VCAM1: variants seen among roughly 807,000 people sequenced by gnomAD.
VCAM1 encodes the protein vascular cell adhesion molecule 1, also known as vascular cell adhesion protein 1.
A neutral mutation model predicts 63.8 loss-of-function variants in VCAM1; 41 were observed. The observed-to-expected ratio is 0.64, with a 90% CI of 0.50 to 0.83. The LOEUF is 0.83. Ranked by LOEUF, VCAM1 falls within the 40% of genes least tolerant of loss-of-function variation. The probability of loss-of-function intolerance (pLI) is 0.00; values close to 1 mark genes in which losing one functional copy is unlikely to be tolerated. For missense variants in VCAM1, 798 were observed against 875.5 expected, an observed-to-expected ratio of 0.91 and a Z score of 1.12; for synonymous variants, 338 against 320.7, an observed-to-expected ratio of 1.05 and a Z score of -0.58.
chr1:100,738,260 G>A lies in VCAM1; in HGVS notation c.2197G>A (p.Glu733Lys). 1 of 1,613,436 alleles carries A rather than the reference G, an allele frequency of 6.2e-7. No individual in the cohort carries two copies. The highest frequency in any genetic ancestry group is 8.5e-7 in the Non-Finnish European group (1 of 1,179,624). The change falls in exon 9 of 9, where the codon GAA (glutamate) becomes AAA (lysine). Residue 733 changes from glutamate to lysine, a missense_variant. Coordinates refer to ENST00000294728, the MANE Select transcript of VCAM1 (RefSeq NM_001078.4). Reference sequence around the variant, plus strand: ...CATGAAGGGGTCATATAGTCTTGTAGAAGCACAGAAGTCAAAAGTGTAGCT... The same window carrying A: ...CATGAAGGGGTCATATAGTCTTGTAAAAGCACAGAAGTCAAAAGTGTAGCT... ...ANMKGSYSLV[E>K]AQKSKV
Position 100,724,692 on chromosome 1 carries a change from A to T in VCAM1, c.730A>T (p.Met244Leu). The stretch of plus-strand genomic sequence containing the variant: ...GCTGCAAGAAGGTGGCTCTGTGACC[A>T]TGACCTGTTCCAGCGAGGGTCTACC... ...TKLQEGGSVT[M>L]TCSSEGLPAP... Residue 244 changes from methionine (M) to leucine (L), a missense_variant, in exon 4 of 9, where the codon ATG (methionine) becomes TTG (leucine). Coordinates refer to ENST00000294728, the MANE Select transcript of VCAM1 (RefSeq NM_001078.4). 6.2e-7 allele frequency: 1 copy of T among 1,613,128 alleles called. No individual in the cohort carries two copies. The highest frequency in any genetic ancestry group is 1.7e-4 in the Middle Eastern group (1 of 6,056).
chr1:100,732,103 T>C (rs1660483011), intron 6 of VCAM1, among the ~76,000 whole-genome samples: 1 of 152,094 alleles, frequency 6.6e-6, no homozygotes, highest in African/African-American at 2.4e-5. Context: ...AGAAGGAGAT[T>C]CAAATAATTC....
Position 100,738,467 on chromosome 1 carries a change from G to A in VCAM1, c.*184G>A. 1 of 538,620 alleles carries A rather than the reference G, an allele frequency of 1.9e-6. No individual in the cohort carries two copies. The highest frequency in any genetic ancestry group is 3.7e-5 in the Admixed American group (1 of 27,396). 33.4% of individuals were successfully genotyped at this position (538,620 alleles called of 1,614,324 possible). On this transcript the variant is annotated 3_prime_UTR_variant, in exon 9 of 9. Transcript: ENST00000294728. ...GAAGTCAAAGTAAAACTTGCTGCCT[G>A]AAGAACAGTAACTGCCATCAAGATG...
intron 4 of VCAM1, among the ~76,000 whole-genome samples, chr1:100,728,280 CTT>C (rs747178116): frequency 5.5e-4 from 84 of 152,138 alleles, no homozygotes; most frequent in Non-Finnish European, 1.0e-3. Flanking sequence ...TTGGAGGTGA[CTT>C]ATGTATCATT....
At chr1:100,737,895 A>C (rs1660713944) in intron 8 of VCAM1, 1 of 339,968 alleles carries the variant, frequency 2.9e-6, no homozygotes. Flanking sequence ...AGTTTGTGGA[A>C]GCCAACAACT....
At position 100,731,517 on chromosome 1, in the gene VCAM1, T is replaced by C. The variant is rs937228921; in HGVS notation, c.1524T>C (p.Asn508=). The C allele has an allele frequency of 6.2e-7, 1 of 1,611,736 alleles. No individual in the cohort carries two copies. The highest frequency in any genetic ancestry group is 1.3e-5 in the African/African-American group (1 of 74,908). Reference sequence around the variant, plus strand: ...AGAGTACGCAAACACTTTATGTCAATGGTAAGTACATATGTGAGGTATCTA... The same window carrying C: ...AGAGTACGCAAACACTTTATGTCAACGGTAAGTACATATGTGAGGTATCTA... ...QRQSTQTLYV[N]VAPRDTTVLV... The change falls in exon 6 of 9, where the codon AAT becomes AAC. Residue 508 remains asparagine (N), a splice_region_variant and synonymous_variant. Coordinates refer to ENST00000294728, the MANE Select transcript of VCAM1 (RefSeq NM_001078.4). The surrounding 1 kb of genome is among the most constrained non-coding windows in gnomAD (Gnocchi z 4.2).
chr1:100,734,573 T>C lies in VCAM1; in HGVS notation c.1864T>C (p.Ser622Pro). 1.2e-6 allele frequency: 2 copies of C among 1,613,872 alleles called. No individual in the cohort carries two copies. Among genetic ancestry groups the C allele is most frequent in the Non-Finnish European group, 1.7e-6 (2 of 1,179,884 alleles). ...SVKEGDTVII[S>P]CTCGNVPETW... ...CAAAGAAGGAGACACTGTCATCATC[T>C]CTTGTACATGTGGAAATGTTCCAGA... Residue 622 changes from serine (S) to proline (P), a missense_variant, in exon 8 of 9, where the codon TCT becomes CCT. Ser to Pro is a moderately conservative substitution (Grantham distance 74). Coordinates refer to ENST00000294728, the MANE Select transcript of VCAM1 (RefSeq NM_001078.4).
chr1:100,738,870 G>T lies in VCAM1; in HGVS notation c.*587G>T, dbSNP rs1310030317. The T allele has an allele frequency of 6.6e-6, 1 of 152,248 alleles. No individual in the cohort carries two copies. Among genetic ancestry groups the T allele is most frequent in the Non-Finnish European group, 1.5e-5 (1 of 68,088 alleles). 9.4% of individuals were successfully genotyped at this position (152,248 alleles called of 1,614,324 possible). A position where few individuals can be genotyped will look rare whatever the true frequency, so the allele number is the denominator to read the frequency against. The stretch of plus-strand genomic sequence containing the variant: ...AAATACCTCAACCTATGGTATAATG[G>T]TTGACTGGGTTTCTCTGTATAGTAC... On this transcript the variant is annotated 3_prime_UTR_variant, in exon 9 of 9. Transcript: ENST00000294728.
At position 100,729,135 on chromosome 1, in the gene VCAM1, T is replaced by A. The variant is rs1201815592; in HGVS notation, c.957T>A (p.Pro319=). 1 of 1,605,116 alleles carries A rather than the reference T, an allele frequency of 6.2e-7. No homozygotes were observed. Among genetic ancestry groups the A allele is most frequent in the Non-Finnish European group, 8.5e-7 (1 of 1,174,406 alleles). ...AACCATTTACTGTTGAGATCTCCCC[T>A]GGACCCCGGATTGCTGCTCAGATTG... is the stretch of plus-strand genomic sequence containing the variant. ...QEKPFTVEIS[P]GPRIAAQIGD... Residue 319 remains proline (P), a synonymous_variant, in exon 5 of 9, where the codon CCT becomes CCA. Coordinates refer to ENST00000294728, the MANE Select transcript of VCAM1 (RefSeq NM_001078.4).
chr1:100,720,436 CT>C (rs1241304141), intron 1 of VCAM1, 39 bp from the exon 2 acceptor site: 1 of 1,588,176 alleles, frequency 6.3e-7, no homozygotes. Flanking sequence ...ACTAGACAAA[CT>C]AGTGGTAAAT....
intron 6 of VCAM1, among the ~76,000 whole-genome samples, chr1:100,732,124 T>C (rs1314486114): frequency 6.6e-6 from 1 of 152,200 alleles, no homozygotes; most frequent in Non-Finnish European, 1.5e-5. Flanking sequence ...ACAGTCATGT[T>C]GACTCTACCA....
At position 100,731,964 on chromosome 1, in the gene VCAM1, C is replaced by T. The variant is rs1660478663; in HGVS notation, c.1525+446C>T. On this transcript the variant is annotated intron_variant, in intron 6 of 8. Transcript: ENST00000294728. This position sits in a 1 kb window ranked among gnomAD's most constrained non-coding sequence, Gnocchi z 4.2. ...TGTTTCAAGAAGGTGTAAATGAAAG[C>T]AGCCTCTTCAAGGCCTGGGTTTGGA... Among the ~76,000 whole-genome samples the T allele has an allele frequency of 6.6e-6, 1 of 152,160 alleles. No homozygotes were observed. Among genetic ancestry groups the T allele is most frequent in the Admixed American group, 6.5e-5 (1 of 15,268 alleles).
intron 4 of VCAM1, among the ~76,000 whole-genome samples, chr1:100,728,176 C>G (rs996532764): frequency 1.3e-5 from 2 of 152,074 alleles, no homozygotes; most frequent in African/African-American, 4.8e-5. Context: ...AAAGAGCATT[C>G]CTGGATATTT....
At position 100,724,806 on chromosome 1, in the gene VCAM1, A is replaced by T. The variant is rs139942204; in HGVS notation, c.844A>T (p.Arg282Trp). The T allele has an allele frequency of 6.2e-7, 1 of 1,613,042 alleles. No individual in the cohort carries two copies. Among genetic ancestry groups the T allele is most frequent in the African/African-American group, 1.3e-5 (1 of 74,966 alleles). Residue 282 changes from arginine (R) to tryptophan (W), a missense_variant, in exon 4 of 9, where the codon AGG (arginine) becomes TGG (tryptophan). Physicochemically the swap from Arg to Trp is moderately radical, Grantham distance 101. Coordinates refer to ENST00000294728, the MANE Select transcript of VCAM1 (RefSeq NM_001078.4). Reference protein sequence around the residue: ...GNATLTLIAMRMEDSGIYVCE... With the variant: ...GNATLTLIAMWMEDSGIYVCE... ...TGCAACTCTCACCTTAATTGCTATG[A>T]GGATGGAAGATTCTGGAATTTATGT...
At chr1:100,732,024 T>C (rs1394263693) in intron 6 of VCAM1, among the ~76,000 whole-genome samples, 6 of 152,184 alleles carry the variant, frequency 3.9e-5, no homozygotes, top group Non-Finnish European at 8.8e-5. Flanking sequence ...CCACATTCAA[T>C]TGGTCAAAGT....
At position 100,731,467 on chromosome 1, in the gene VCAM1, A is replaced by G. The variant is rs1346800445; in HGVS notation, c.1474A>G (p.Met492Val). ...TCAGGCTAAGTTACATATTGATGAC[A>G]TGGAATTCGAACCCAAACAAAGGCA... Reference protein sequence around the residue: ...VCQAKLHIDDMEFEPKQRQST... With the variant: ...VCQAKLHIDDVEFEPKQRQST... The change falls in exon 6 of 9, where the codon ATG (methionine) becomes GTG (valine). Residue 492 changes from methionine (M) to valine (V), a missense_variant. Met to Val is a conservative substitution (Grantham distance 21, BLOSUM62 1). Transcript: ENST00000294728. The surrounding 1 kb of genome is among the most constrained non-coding windows in gnomAD (Gnocchi z 4.2). 1.9e-6 allele frequency: 3 copies of G among 1,613,692 alleles called. No homozygotes were observed. Among genetic ancestry groups the G allele is most frequent in the Admixed American group, 3.3e-5 (2 of 59,948 alleles).
At chr1:100,728,623 A>C (rs1262773841) in intron 4 of VCAM1, among the ~76,000 whole-genome samples, 1 of 151,780 alleles carries the variant, frequency 6.6e-6, no homozygotes, top group Non-Finnish European at 1.5e-5. Flanking sequence ...AAGGAGGGGG[A>C]AAAGGAGGAA....
Position 100,731,545 on chromosome 1 carries a change from G to C in VCAM1, c.1525+27G>C, listed in dbSNP as rs1660458054. ...TAAGTACATATGTGAGGTATCTACA[G>C]TTTAATACCTGTCTCTTTATCGTGT... On this transcript the variant is annotated intron_variant, in intron 6 of 8. Transcript: ENST00000294728. This position sits in a 1 kb window ranked among gnomAD's most constrained non-coding sequence, Gnocchi z 4.2. The C allele has an allele frequency of 7.7e-6, 12 of 1,567,978 alleles. No individual in the cohort carries two copies. In the East Asian group the frequency reaches 9.0e-5, roughly 12 times the overall value.
At position 100,720,655 on chromosome 1, in the gene VCAM1, A is replaced by G. The variant is rs1404999749; in HGVS notation, c.244A>G (p.Met82Val). Residue 82 changes from methionine to valine, a missense_variant, in exon 2 of 9, where the codon ATG becomes GTG. Coordinates refer to ENST00000294728, the MANE Select transcript of VCAM1 (RefSeq NM_001078.4). ...TGAGGGGACCACATCTACGCTGACA[A>G]TGAATCCTGTTAGTTTTGGGAACGA... ...TNEGTTSTLT[M>V]NPVSFGNEHS... 7 of 1,613,112 alleles carry G rather than the reference A, an allele frequency of 4.3e-6. No homozygotes were observed. The highest frequency in any genetic ancestry group is 4.0e-5 in the African/African-American group (3 of 74,836).
Sources: allele counts gnomAD v4.1 joint callset (sites outside exome capture counted in the v4.1 genomes callset), GRCh38; gene constraint gnomAD v4.1.1; non-coding constraint Gnocchi (gnomAD v3.1); transcripts MANE v1.5; gene names NCBI Gene and HGNC (gene_info 2026-07-23, HGNC 2026-07-21).